LRRC4C: variants seen among roughly 807,000 people sequenced by gnomAD.
LRRC4C encodes the protein leucine-rich repeat-containing protein 4C.
A neutral mutation model predicts 33.6 loss-of-function variants in LRRC4C; 5 were observed. That is an observed-to-expected ratio of 0.15 (90% CI 0.08 to 0.31). LRRC4C has a LOEUF of 0.31. Ranked by LOEUF, LRRC4C falls within the 10% of genes least tolerant of loss-of-function variation. LRRC4C has a pLI of 1.00. For synonymous variants in LRRC4C, 329 were observed against 302.0 expected (o/e 1.09, Z -0.93); for missense variants, 560 against 796.7 (o/e 0.70, Z 3.58).
intron 3 of LRRC4C, among the ~76,000 whole-genome samples, chr11:40,620,543 C>T (rs1962353622): frequency 6.6e-6 from 1 of 151,628 alleles, no homozygotes. Flanking sequence ...AAAAATAAAC[C>T]TTCCATTCAA....
At chr11:41,251,797 T>C (rs1469341666) in intron 1 of LRRC4C, among the ~76,000 whole-genome samples, 1 of 152,200 alleles carries the variant, frequency 6.6e-6, no homozygotes, top group Non-Finnish European at 1.5e-5. Context: ...TACCATATGA[T>C]GATAAAGGCG....
At chr11:40,932,565 A>C (rs1431224584) in intron 2 of LRRC4C, among the ~76,000 whole-genome samples, 1 of 152,194 alleles carries the variant, frequency 6.6e-6, no homozygotes, top group Non-Finnish European at 1.5e-5. Flanking sequence ...AGAGACGAAT[A>C]GCTGATTCAG....
At chr11:40,192,927 C>T (rs370742552) in intron 5 of LRRC4C, among the ~76,000 whole-genome samples, 31 of 152,334 alleles carry the variant, frequency 2.0e-4, no homozygotes, top group East Asian at 1.2e-3. Context: ...GGCAGGGAAT[C>T]TCTGAAAGAA....
At chr11:41,345,616 G>T (rs1951778598) in intron 1 of LRRC4C, among the ~76,000 whole-genome samples, 1 of 152,032 alleles carries the variant, frequency 6.6e-6, no homozygotes, top group South Asian at 2.1e-4. Context: ...ATCAAAATAG[G>T]TAAAATCATT....
chr11:41,205,909 A>G (rs2136287965), intron 1 of LRRC4C, among the ~76,000 whole-genome samples: 1 of 152,290 alleles, frequency 6.6e-6, no homozygotes, highest in South Asian at 2.1e-4. Flanking sequence ...TTAGCACTGG[A>G]AACACTAAAC....
intron 1 of LRRC4C, among the ~76,000 whole-genome samples, chr11:41,222,582 G>A (rs1452038703): frequency 6.6e-6 from 1 of 152,088 alleles, no homozygotes; most frequent in African/African-American, 2.4e-5. Context: ...TATAAATGCT[G>A]CGGTGGAAGA....
chr11:41,457,561 T>C (rs1358904304), intron 1 of LRRC4C, among the ~76,000 whole-genome samples: 1 of 152,146 alleles, frequency 6.6e-6, no homozygotes, highest in Non-Finnish European at 1.5e-5. Context: ...GATTGTTTTT[T>C]CCATAAAGAA....
intron 1 of LRRC4C, among the ~76,000 whole-genome samples, chr11:41,206,336 A>G (rs1946601081): frequency 6.6e-6 from 1 of 152,146 alleles, no homozygotes; most frequent in Non-Finnish European, 1.5e-5. Flanking sequence ...AACTCAAAAC[A>G]CATAGGATAT....
At chr11:41,327,724 C>T (rs2958848) in intron 1 of LRRC4C, among the ~76,000 whole-genome samples, 59,042 of 151,820 alleles carry the variant, frequency 0.39, 12,813 homozygotes, top group Non-Finnish European at 0.48. Context: ...ATCATGGGGG[C>T]AGGTTTGTCT....
intron 1 of LRRC4C, among the ~76,000 whole-genome samples, chr11:41,350,446 C>G (rs1396938059): frequency 4.2e-5 from 6 of 144,570 alleles, no homozygotes; most frequent in Non-Finnish European, 7.5e-5. Context: ...GGAGGCGGAG[C>G]TTGCAGTGAG....
At chr11:40,537,844 T>C (rs1225720579) in intron 3 of LRRC4C, among the ~76,000 whole-genome samples, 1 of 152,042 alleles carries the variant, frequency 6.6e-6, no homozygotes, top group African/African-American at 2.4e-5. Flanking sequence ...CTTCAAGAGT[T>C]TGTGTATAGA....
chr11:40,866,398 C>G (rs1402228864), intron 2 of LRRC4C, among the ~76,000 whole-genome samples: 1 of 152,106 alleles, frequency 6.6e-6, no homozygotes, highest in Non-Finnish European at 1.5e-5. Flanking sequence ...GCCTTCTTTG[C>G]AAAGTTTCAT....
chr11:40,439,169 T>C (rs1262251430), intron 3 of LRRC4C, among the ~76,000 whole-genome samples: 1 of 151,614 alleles, frequency 6.6e-6, no homozygotes, highest in African/African-American at 2.4e-5. Flanking sequence ...CTTGATCTTC[T>C]GACCTTGTGA....
chr11:40,699,272 A>T (rs1945742164), intron 2 of LRRC4C, among the ~76,000 whole-genome samples: 1 of 152,224 alleles, frequency 6.6e-6, no homozygotes, highest in Non-Finnish European at 1.5e-5. Flanking sequence ...AATTTATTTG[A>T]AATGAATTAG....
intron 4 of LRRC4C, among the ~76,000 whole-genome samples, chr11:40,256,022 T>A (rs1337867289): frequency 1.3e-5 from 2 of 152,194 alleles, no homozygotes; most frequent in Non-Finnish European, 2.9e-5. Flanking sequence ...AAATACAGAG[T>A]TTCCTATTAT....
chr11:41,402,918 T>C (rs527372711), intron 1 of LRRC4C, among the ~76,000 whole-genome samples: 1 of 152,100 alleles, frequency 6.6e-6, no homozygotes, highest in African/African-American at 2.4e-5. Flanking sequence ...TGAAATAATT[T>C]AAAATATGCA....
At chr11:40,322,280 C>G (rs1246481962) in intron 3 of LRRC4C, among the ~76,000 whole-genome samples, 1 of 151,994 alleles carries the variant, frequency 6.6e-6, no homozygotes, top group African/African-American at 2.4e-5. Context: ...GAGTCTTACT[C>G]TGTCACTCAG....
At chr11:40,623,097 G>A (rs10768613) in intron 3 of LRRC4C, among the ~76,000 whole-genome samples, 65,353 of 151,208 alleles carry the variant, frequency 0.43, 15,176 homozygotes, top group Middle Eastern at 0.58. Context: ...TTGTATTTTA[G>A]AATCTACCAA....
chr11:41,098,030 G>C (rs1388631393), intron 1 of LRRC4C, among the ~76,000 whole-genome samples: 1 of 151,982 alleles, frequency 6.6e-6, no homozygotes, highest in East Asian at 1.9e-4. Context: ...TCAGCTCCTA[G>C]AGCTGGATTT....
Sources: allele counts gnomAD v4.1 joint callset (sites outside exome capture counted in the v4.1 genomes callset), GRCh38; gene constraint gnomAD v4.1.1; transcripts MANE v1.5; gene names NCBI Gene and HGNC (gene_info 2026-07-23, HGNC 2026-07-21).